ANK2: variants seen among roughly 807,000 people sequenced by gnomAD.
The protein encoded by ANK2 is ankyrin 2.
Under a neutral mutation model 360.5 loss-of-function variants are expected in ANK2, and 83 were observed. That is an observed-to-expected ratio of 0.23 (90% CI 0.19 to 0.28). The LOEUF (loss-of-function observed/expected upper bound fraction) is 0.28. ANK2 is among the 10% of genes least tolerant of loss of function. ANK2 has a pLI of 1.00. For synonymous variants in ANK2, 1,740 were observed against 1,759.5 expected, an observed-to-expected ratio of 0.99 and a Z score of 0.28; for missense variants, 4,201 against 4,795.7, an observed-to-expected ratio of 0.88 and a Z score of 3.66.
intron 2 of ANK2, among the ~76,000 whole-genome samples, chr4:113,012,539 C>T (rs780680690): frequency 1.7e-4 from 26 of 152,114 alleles, no homozygotes; most frequent in Non-Finnish European, 2.6e-4. Flanking sequence ...ATGGCTAGTG[C>T]CTGCGGTGTT....
intron 14 of ANK2, among the ~76,000 whole-genome samples, chr4:113,269,348 A>G (rs2057592306): frequency 6.6e-6 from 1 of 152,208 alleles, no homozygotes; most frequent in South Asian, 2.1e-4. Context: ...TAGCTAGCTC[A>G]ATGTCTGCCC....
At chr4:113,221,931 C>G (rs1465673479) in intron 4 of ANK2, among the ~76,000 whole-genome samples, 1 of 152,150 alleles carries the variant, frequency 6.6e-6, no homozygotes, top group Non-Finnish European at 1.5e-5. Context: ...ATAATATCAT[C>G]TGTGGAATTT....
chr4:113,308,884 A>AGGGGATGAGGCTTTGGAGGC (rs766541801), intron 23 of ANK2, among the ~76,000 whole-genome samples: 400 of 152,232 alleles, frequency 2.6e-3, no homozygotes, highest in Non-Finnish European at 5.0e-3. Flanking sequence ...GGAAGTTGGG[A>AGGGGATGAGGCTTTGGAGGC]GGGGATGAGG....
At chr4:112,761,040 C>T in the ANK2 span, among the ~76,000 whole-genome samples, 1 of 151,856 alleles carries the variant, frequency 6.6e-6, no homozygotes, top group Non-Finnish European at 1.5e-5. Context: ...AACTCCTGCC[C>T]ACATGATCCG....
intron 1 of ANK2, among the ~76,000 whole-genome samples, chr4:113,089,739 G>A (rs1443476541): frequency 6.6e-6 from 1 of 152,088 alleles, no homozygotes; most frequent in Non-Finnish European, 1.5e-5. Flanking sequence ...CAGGAGAATC[G>A]CTTGAACCCG....
At chr4:113,349,318 CAT>C (rs1321832651) in intron 36 of ANK2, among the ~76,000 whole-genome samples, 7 of 152,140 alleles carry the variant, frequency 4.6e-5, no homozygotes, top group South Asian at 2.1e-4. Context: ...TAGACAGATG[CAT>C]ATGTTATTAG....
intron 2 of ANK2, among the ~76,000 whole-genome samples, chr4:112,929,072 C>T (rs1433007086): frequency 6.6e-6 from 1 of 152,090 alleles, no homozygotes; most frequent in Non-Finnish European, 1.5e-5. Flanking sequence ...GGGCTGGTCT[C>T]GAACTCCCAA....
chr4:113,162,736 T>G (rs900123252), intron 1 of ANK2, among the ~76,000 whole-genome samples: 3 of 148,038 alleles, frequency 2.0e-5, no homozygotes, highest in South Asian at 2.1e-4. Flanking sequence ...TAAAGGTTTT[T>G]TTTTTTTTTT....
chr4:113,029,403 T>TTTTA (rs1417911809), intron 2 of ANK2, among the ~76,000 whole-genome samples: 7 of 152,068 alleles, frequency 4.6e-5, no homozygotes, highest in South Asian at 2.1e-4. Flanking sequence ...CCCAGCTAAT[T>TTTTA]TTTATTTATT....
rs1471391110 is a variant in ANK2 at position 113,373,332 on chromosome 4, G to C, written c.11742G>C (p.Glu3914Asp). 7 of 1,614,192 alleles carry C rather than the reference G, an allele frequency of 4.3e-6. No homozygotes were observed. The highest frequency in any genetic ancestry group is 5.9e-6 in the Non-Finnish European group (7 of 1,180,026). ...IRRYVSSEGT[E>D]KEEIMVQGMP... The stretch of plus-strand genomic sequence containing the variant: ...GGTATGTATCCTCTGAAGGCACAGA[G>C]AAAGAAGAGATTATGGTGCAGGGAA... Residue 3914 changes from glutamate (E) to aspartate (D), a missense_variant, in exon 45 of 46, where the codon GAG (glutamate) becomes GAC (aspartate). Glu to Asp is a conservative substitution (Grantham distance 45). This residue lies in a region of ANK2 where 2,642 missense variants were observed against 2,714.5 expected (regional missense o/e 0.97). Coordinates refer to ENST00000357077, the MANE Select transcript of ANK2 (RefSeq NM_001148.6).
the ANK2 span, among the ~76,000 whole-genome samples, chr4:112,712,229 G>T: frequency 6.7e-6 from 1 of 149,640 alleles, no homozygotes; most frequent in African/African-American, 2.4e-5. Flanking sequence ...ACAGGCATGT[G>T]CCACCATGCC....
the ANK2 span, among the ~76,000 whole-genome samples, chr4:112,724,923 C>A: frequency 6.6e-6 from 1 of 152,134 alleles, no homozygotes; most frequent in Non-Finnish European, 1.5e-5. Flanking sequence ...AGCCAAATGT[C>A]AGAAGAATGG....
Position 113,357,480 on chromosome 4 carries a change from T to C in ANK2, c.8862T>C (p.Phe2954=), listed in dbSNP as rs1212065621. The change falls in exon 38 of 46, where the codon TTT becomes TTC. Residue 2954 remains phenylalanine, a synonymous_variant. Coordinates refer to ENST00000357077, the MANE Select transcript of ANK2 (RefSeq NM_001148.6). ...TQTDANHTTS[F]HSSEVYSVTI... ...CAGATGCAAATCACACCACAAGTTT[T>C]CACTCTTCTGAAGTGTATTCTGTTA... The C allele has an allele frequency of 6.2e-7, 1 of 1,614,140 alleles. No homozygotes were observed. The highest frequency in any genetic ancestry group is 8.5e-7 in the Non-Finnish European group (1 of 1,179,984).
rs1341951593 is a variant in ANK2, at chr4:113,365,100, G to C, written c.10950G>C (p.Glu3650Asp). 1 of 1,613,994 alleles carries C rather than the reference G, an allele frequency of 6.2e-7. No individual in the cohort carries two copies. Among genetic ancestry groups the C allele is most frequent in the Non-Finnish European group, 8.5e-7 (1 of 1,179,938 alleles). Residue 3650 changes from glutamate (E) to aspartate (D), a missense_variant, in exon 41 of 46, where the codon GAG (glutamate) becomes GAC (aspartate). Coordinates refer to ENST00000357077, the MANE Select transcript of ANK2 (RefSeq NM_001148.6). Reference protein sequence around the residue: ...INRMDIVHLMETNTEPLQERI... With the variant: ...INRMDIVHLMDTNTEPLQERI... Reference sequence around the variant, plus strand: ...GAATGGATATTGTTCATCTCATGGAGACCAACACAGAACCTCTCCAGGAGC... The same window carrying C: ...GAATGGATATTGTTCATCTCATGGACACCAACACAGAACCTCTCCAGGAGC...
chr4:113,247,666 C>T (rs529566922), intron 9 of ANK2, among the ~76,000 whole-genome samples: 1 of 152,286 alleles, frequency 6.6e-6, no homozygotes, highest in African/African-American at 2.4e-5. Flanking sequence ...GGGTGAGAAA[C>T]ATCATCTCCA....
chr4:112,706,501 C>T, the ANK2 span, among the ~76,000 whole-genome samples: 1 of 152,104 alleles, frequency 6.6e-6, no homozygotes, highest in Non-Finnish European at 1.5e-5. Flanking sequence ...CACACACGCA[C>T]CCCGCAAACT....
intron 1 of ANK2, among the ~76,000 whole-genome samples, chr4:112,903,765 A>G (rs1345344866): frequency 1.3e-5 from 2 of 152,242 alleles, no homozygotes; most frequent in Non-Finnish European, 2.9e-5. Context: ...GCAAAATATA[A>G]TAAAAAAAGA....
At chr4:112,997,245 T>C (rs2048883821) in intron 2 of ANK2, among the ~76,000 whole-genome samples, 1 of 152,160 alleles carries the variant, frequency 6.6e-6, no homozygotes, top group Admixed American at 6.6e-5. Context: ...TACTTATCAT[T>C]TTTGTGTGTG....
At chr4:113,220,209 C>T (rs1211794008) in intron 4 of ANK2, among the ~76,000 whole-genome samples, 1 of 152,206 alleles carries the variant, frequency 6.6e-6, no homozygotes, top group Admixed American at 6.5e-5. Context: ...ATTGAACCAG[C>T]TTAATTCTCT....
Sources: allele counts gnomAD v4.1 joint callset (sites outside exome capture counted in the v4.1 genomes callset), GRCh38; gene constraint gnomAD v4.1.1; regional missense constraint gnomAD v4.1.1; transcripts MANE v1.5; gene names NCBI Gene and HGNC (gene_info 2026-07-23, HGNC 2026-07-21).